Variants in ESCO1 observed in about 807,000 individuals in gnomAD.
ESCO1 encodes the protein establishment of sister chromatid cohesion N-acetyltransferase 1.
In ESCO1, 33 loss-of-function variants were observed where a neutral mutation model predicts 83.5. The ratio of observed to expected loss-of-function variants is 0.40; its 90% confidence interval spans 0.30 to 0.53. ESCO1 has a LOEUF of 0.53. Among genes scored for constraint, ESCO1 ranks in the 20% least tolerant of loss-of-function variants. The probability of loss-of-function intolerance (pLI) is 0.63; values close to 1 mark genes in which losing one functional copy is unlikely to be tolerated. For missense variants in ESCO1, 855 were observed against 968.0 expected (o/e 0.88, Z 1.55); for synonymous variants, 332 against 324.3 (o/e 1.02, Z -0.25).
chr18:21,552,618 C>T (rs953125001), intron 8 of ESCO1, among the ~76,000 whole-genome samples: 4 of 152,060 alleles, frequency 2.6e-5, no homozygotes, highest in East Asian at 1.9e-4. Flanking sequence ...AGCGTGAGAA[C>T]GGACTAATAC....
Position 21,530,167 on chromosome 18 carries a change from A to G in ESCO1, c.*176T>C. The G allele has an allele frequency of 2.3e-6, 1 of 433,206 alleles. No individual in the cohort carries two copies. Among genetic ancestry groups the G allele is most frequent in the Non-Finnish European group, 4.1e-6 (1 of 246,490 alleles). The allele number at this position is 433,206 out of a possible 1,614,324, so 26.8% of individuals were successfully genotyped here. On this transcript the variant is annotated 3_prime_UTR_variant, in exon 12 of 12. Transcript: ENST00000269214. The stretch of plus-strand genomic sequence containing the variant: ...GATAATAAAATATCTTCTTTAAAAA[A>G]CAAAACAATAAGCTATTACTGCATT...
At chr18:21,551,667 C>T (rs1326463015) in intron 8 of ESCO1, among the ~76,000 whole-genome samples, 1 of 152,196 alleles carries the variant, frequency 6.6e-6, no homozygotes, top group African/African-American at 2.4e-5. Flanking sequence ...AGTCTGAAAT[C>T]TGAAGAAACT....
At chr18:21,564,342 T>C in intron 6 of ESCO1, 25 bp from the exon 7 acceptor site, 1 of 1,427,576 alleles carries the variant, frequency 7.0e-7, no homozygotes, top group Non-Finnish European at 9.7e-7. Context: ...AATTACTAAA[T>C]GTTACAGATC....
chr18:21,598,258 T>G (rs747572196), intron 1 of ESCO1, among the ~76,000 whole-genome samples: 1 of 152,172 alleles, frequency 6.6e-6, no homozygotes, highest in Non-Finnish European at 1.5e-5. Flanking sequence ...ATAAATACAA[T>G]CAGCTCTGCA....
chr18:21,568,034 C>T lies in ESCO1; in HGVS notation c.1591G>A (p.Ala531Thr). The change falls in exon 5 of 12, where the codon GCT becomes ACT. Residue 531 changes from alanine to threonine, a missense_variant. Around this residue, in one of 2 missense-constraint regions of ESCO1, gnomAD observed 726 missense variants for 699.5 expected, o/e 1.04. Coordinates refer to ENST00000269214, the MANE Select transcript of ESCO1 (RefSeq NM_052911.3). ...TTTGCTTGACTGAGCAGAGTCGAAG[C>T]AGCAGTAACATTTTCCACTGGACTG... ...ENSPVENVTA[A>T]STLLSQAKID... The T allele has an allele frequency of 6.2e-7, 1 of 1,613,920 alleles. No individual in the cohort carries two copies. The highest frequency in any genetic ancestry group is 8.5e-7 in the Non-Finnish European group (1 of 1,179,960).
chr18:21,576,402 C>A (rs2038419231), intron 2 of ESCO1, among the ~76,000 whole-genome samples: 1 of 152,098 alleles, frequency 6.6e-6, no homozygotes, highest in Non-Finnish European at 1.5e-5. Flanking sequence ...ACTTGGGAGA[C>A]TGAGACAGGA....
chr18:21,551,948 T>C (rs568137614), intron 8 of ESCO1, among the ~76,000 whole-genome samples: 3 of 152,320 alleles, frequency 2.0e-5, no homozygotes, highest in Admixed American at 6.5e-5. Context: ...AAGGATACTA[T>C]CTACTTCAGT....
At chr18:21,572,641 T>C (rs147092736) in intron 4 of ESCO1, among the ~76,000 whole-genome samples, 24 of 152,276 alleles carry the variant, frequency 1.6e-4, no homozygotes, top group African/African-American at 5.3e-4. Flanking sequence ...TTAGTCCTAG[T>C]TGAAATTAAT....
intron 2 of ESCO1, among the ~76,000 whole-genome samples, chr18:21,582,701 T>C (rs1359404599): frequency 3.3e-5 from 5 of 152,194 alleles, no homozygotes; most frequent in Non-Finnish European, 5.9e-5. Flanking sequence ...GCTGGTATAA[T>C]AGATAACAAG....
intron 2 of ESCO1, among the ~76,000 whole-genome samples, chr18:21,576,692 G>A (rs1598472471): frequency 1.3e-5 from 2 of 152,094 alleles, no homozygotes; most frequent in South Asian, 2.1e-4. Flanking sequence ...ATTTATACCC[G>A]AGACTCAGGA....
rs187791346 is a variant in ESCO1 at position 21,590,463 on chromosome 18, G to A, written c.-824-6023C>T. 8.3e-3 allele frequency among the ~76,000 whole-genome samples: 1,219 copies of A among 146,370 alleles called. 20 individuals carry two copies. The highest frequency in any genetic ancestry group is 0.029 in the African/African-American group (1,171 of 39,900). On this transcript the variant is annotated intron_variant, in intron 1 of 11. Transcript: ENST00000269214. Reference sequence around the variant, plus strand: ...TCATGAACTCCTGACCTCGTGATCCGCCCGCCTCAGCCTCCCAAAGTGCTG... The same window carrying A: ...TCATGAACTCCTGACCTCGTGATCCACCCGCCTCAGCCTCCCAAAGTGCTG...
intron 8 of ESCO1, among the ~76,000 whole-genome samples, chr18:21,540,866 T>G (rs1277417673): frequency 6.6e-6 from 1 of 152,130 alleles, no homozygotes; most frequent in African/African-American, 2.4e-5. Context: ...TAAAAAGGCC[T>G]TTCCAGAAGC....
chr18:21,560,763 A>G, intron 8 of ESCO1, 96 bp downstream of exon 8: 1 of 1,460,924 alleles, frequency 6.8e-7, no homozygotes, highest in Non-Finnish European at 9.2e-7. Flanking sequence ...TTAAAAACAT[A>G]AATTTTTCAG....
chr18:21,537,787 CA>C (rs1220638531), intron 9 of ESCO1, among the ~76,000 whole-genome samples: 4 of 152,140 alleles, frequency 2.6e-5, no homozygotes, highest in African/African-American at 9.7e-5. Context: ...GGTAGTGTAG[CA>C]AAAGTTCCCA....
In ESCO1 at chr18:21,568,109, T is replaced by C. The variant is rs769592687; in HGVS notation, c.1531-15A>G. The C allele has an allele frequency of 1.2e-5, 19 of 1,575,408 alleles. No individual in the cohort carries two copies. In the South Asian group the frequency reaches 2.2e-4, roughly 18 times the overall value. The stretch of plus-strand genomic sequence containing the variant: ...TGGCTGAAATTCTGAACACATATAA[T>C]TCAAAATTTTTACATCAACTTTGGG... On this transcript the variant is annotated splice_polypyrimidine_tract_variant and intron_variant, in intron 4 of 11. Coordinates refer to ENST00000269214, the MANE Select transcript of ESCO1 (RefSeq NM_052911.3).
intron 6 of ESCO1, 93 bp from the exon 7 acceptor site, chr18:21,564,410 A>G: frequency 2.4e-6 from 2 of 846,416 alleles, no homozygotes; most frequent in African/African-American, 1.7e-5. Flanking sequence ...TTTTTTTTTG[A>G]GACGAAGTCT....
chr18:21,567,559 A>G (rs2038279587), intron 5 of ESCO1, among the ~76,000 whole-genome samples: 1 of 152,186 alleles, frequency 6.6e-6, no homozygotes, highest in African/African-American at 2.4e-5. Context: ...AGCATTTATT[A>G]AATCCTTAAT....
At chr18:21,588,682 T>C (rs532814184) in intron 1 of ESCO1, among the ~76,000 whole-genome samples, 10 of 151,616 alleles carry the variant, frequency 6.6e-5, no homozygotes, top group East Asian at 2.0e-4. Flanking sequence ...TATGGGAGGC[T>C]GAGGCGTGCA....
chr18:21,579,956 C>A (rs570095094), intron 2 of ESCO1, among the ~76,000 whole-genome samples: 1 of 149,556 alleles, frequency 6.7e-6, no homozygotes. Flanking sequence ...AGTGCAGTGG[C>A]GCAATCTTGG....
Sources: gnomAD v4.1 joint callset for allele counts (sites outside exome capture counted in the v4.1 genomes callset) on GRCh38, gnomAD v4.1.1 for gene constraint, gnomAD v4.1.1 regional missense constraint, MANE v1.5 for transcripts, NCBI Gene and HGNC (gene_info 2026-07-23, HGNC 2026-07-21) for gene names.